Variants in NUF2 observed in about 807,000 individuals in gnomAD.
The protein encoded by NUF2 is kinetochore protein Nuf2.
Under a neutral mutation model 61.8 loss-of-function variants are expected in NUF2, and 34 were observed. The ratio of observed to expected loss-of-function variants is 0.55; its 90% confidence interval spans 0.42 to 0.73. The LOEUF (loss-of-function observed/expected upper bound fraction) is 0.73, where lower values mean the gene tolerates loss of function less well. NUF2 is among the 30% of genes least tolerant of loss of function. The probability of loss-of-function intolerance (pLI) is 0.00; values close to 1 mark genes in which losing one functional copy is unlikely to be tolerated. For missense variants in NUF2, 445 were observed against 539.1 expected, an observed-to-expected ratio of 0.83 and a Z score of 1.73; for synonymous variants, 172 against 181.6, an observed-to-expected ratio of 0.95 and a Z score of 0.42.
At chr1:163,340,339 A>G (rs769193920) in intron 8 of NUF2, 25 bp from the exon 9 acceptor site, 14 of 1,572,076 alleles carry the variant, frequency 8.9e-6, no homozygotes, top group African/African-American at 2.7e-5. Flanking sequence ...GAATCATTAT[A>G]AAACGTGTTT....
chr1:163,343,558 TGATCTTTG>T (rs948588807), intron 9 of NUF2, among the ~76,000 whole-genome samples, 167 bp from the exon 10 acceptor site: 1 of 152,172 alleles, frequency 6.6e-6, no homozygotes, highest in Non-Finnish European at 1.5e-5. Context: ...CTAAGGAGCT[TGATCTTTG>T]GCCTATAGAC....
At chr1:163,350,082 A>C (rs1301071425) in intron 13 of NUF2, among the ~76,000 whole-genome samples, 1 of 151,960 alleles carries the variant, frequency 6.6e-6, no homozygotes, top group Non-Finnish European at 1.5e-5. Context: ...CGGGCGGATC[A>C]CGAGGTCAGG....
intron 10 of NUF2, among the ~76,000 whole-genome samples, chr1:163,345,402 A>G (rs1651090448): frequency 6.6e-6 from 1 of 152,198 alleles, no homozygotes. Flanking sequence ...CTATTTTAAT[A>G]TCATCATTAT....
At chr1:163,348,635 A>G (rs937947403) in intron 12 of NUF2, among the ~76,000 whole-genome samples, 3 of 152,174 alleles carry the variant, frequency 2.0e-5, no homozygotes, top group Admixed American at 1.3e-4. Context: ...AGTGTGTACA[A>G]CTGGGGAAAT....
chr1:163,349,155 CT>C, intron 13 of NUF2, 75 bp downstream of exon 13: 1 of 1,262,052 alleles, frequency 7.9e-7, no homozygotes, highest in Non-Finnish European at 1.1e-6. Flanking sequence ...AACAAAACAG[CT>C]TACTTGGTCT....
intron 13 of NUF2, among the ~76,000 whole-genome samples, chr1:163,350,463 C>CT (rs1384917567): frequency 1.3e-5 from 2 of 152,082 alleles, no homozygotes; most frequent in Admixed American, 1.3e-4. Context: ...GCACCTTTGT[C>CT]TATCAGTCAT....
chr1:163,323,166 T>C (rs921552347), intron 1 of NUF2: 2 of 152,220 alleles, frequency 1.3e-5, no homozygotes, highest in Admixed American at 6.5e-5. Context: ...ATTAATCTGA[T>C]AGCAGAGTGC....
intron 3 of NUF2, chr1:163,327,925 T>C (rs1335684041): frequency 5.4e-6 from 2 of 369,340 alleles, no homozygotes; most frequent in African/African-American, 2.1e-5. Context: ...GAGTAGAAGA[T>C]ATGCAGTAAG....
chr1:163,343,943 TTAA>T, intron 10 of NUF2, 73 bp downstream of exon 10: 1 of 990,698 alleles, frequency 1.0e-6, no homozygotes, highest in African/African-American at 1.7e-5. Context: ...TAATTATGTG[TTAA>T]TTTTTGGATT....
chr1:163,327,595 T>G (rs960829304), intron 3 of NUF2, 33 bp downstream of exon 3: 13 of 1,370,376 alleles, frequency 9.5e-6, no homozygotes, highest in African/African-American at 1.4e-5. Flanking sequence ...TTATGGGGTT[T>G]TTTTTGTTTG....
chr1:163,325,688 G>A (rs1463625461), intron 1 of NUF2, among the ~76,000 whole-genome samples: 1 of 151,946 alleles, frequency 6.6e-6, no homozygotes, highest in African/African-American at 2.4e-5. Flanking sequence ...TTAATTATTA[G>A]GATTGGTCTT....
Position 163,326,221 on chromosome 1 carries a change from A to G in NUF2, c.123+47A>G, listed in dbSNP as rs1650413242. ...ATGTGGATAATGGTATTTAGGGAAA[A>G]AGTAAGCTACTAGGTCTATTGTGTG... On this transcript the variant is annotated intron_variant, in intron 2 of 13. Transcript: ENST00000271452. 7 of 1,593,372 alleles carry G rather than the reference A, an allele frequency of 4.4e-6. No homozygotes were observed. The South Asian group carries it at 7.9e-5, about 18-fold the overall frequency.
intron 5 of NUF2, among the ~76,000 whole-genome samples, chr1:163,329,753 C>T (rs1650538078): frequency 6.6e-6 from 1 of 152,164 alleles, no homozygotes; most frequent in Non-Finnish European, 1.5e-5. Flanking sequence ...TATATTCACA[C>T]AAAAACTTAA....
At chr1:163,324,512 C>T (rs1179868357) in intron 1 of NUF2, among the ~76,000 whole-genome samples, 4 of 96,556 alleles carry the variant, frequency 4.1e-5, no homozygotes, top group Non-Finnish European at 1.0e-4. Context: ...CCCTAAAATT[C>T]TAAAAAAATT....
chr1:163,336,737 GCTTT>G lies in NUF2; in HGVS notation c.338-11_338-8del. Reference sequence around the variant, plus strand: ...TTCAAAGGTTTATTTAAAGAGTCTTGCTTTCTATTTTAGAAGCAAAACGGACAAG... The same window carrying G: ...TTCAAAGGTTTATTTAAAGAGTCTTGCTATTTTAGAAGCAAAACGGACAAG... On this transcript the variant is annotated splice_polypyrimidine_tract_variant and intron_variant, in intron 5 of 13. Coordinates refer to ENST00000271452, the MANE Select transcript of NUF2 (RefSeq NM_145697.3). The G allele has an allele frequency of 4.5e-6, 7 of 1,557,246 alleles. No homozygotes were observed. The highest frequency in any genetic ancestry group is 6.2e-6 in the Non-Finnish European group (7 of 1,129,006).
intron 5 of NUF2, among the ~76,000 whole-genome samples, chr1:163,333,399 C>T (rs977677812): frequency 6.6e-6 from 1 of 152,066 alleles, no homozygotes; most frequent in African/African-American, 2.4e-5. Flanking sequence ...AGACCATTTA[C>T]ATTTAATGTT....
intron 6 of NUF2, among the ~76,000 whole-genome samples, chr1:163,337,473 A>G (rs913006244): frequency 3.3e-5 from 5 of 152,158 alleles, no homozygotes; most frequent in African/African-American, 1.2e-4. Flanking sequence ...TTACTGAGCT[A>G]TATAGATCCG....
chr1:163,351,653 A>T (rs1651325707), intron 13 of NUF2, among the ~76,000 whole-genome samples: 1 of 152,222 alleles, frequency 6.6e-6, no homozygotes, highest in African/African-American at 2.4e-5. Context: ...TCAACTTGCT[A>T]AGTTGTTCTT....
chr1:163,335,751 A>G (rs2101675922), intron 5 of NUF2, among the ~76,000 whole-genome samples: 1 of 152,058 alleles, frequency 6.6e-6, no homozygotes, highest in South Asian at 2.1e-4. Flanking sequence ...ATGCTGTTTG[A>G]TATTGTCTCT....
Sources: allele counts gnomAD v4.1 joint callset (sites outside exome capture counted in the v4.1 genomes callset), GRCh38; gene constraint gnomAD v4.1.1; transcripts MANE v1.5; gene names NCBI Gene and HGNC (gene_info 2026-07-23, HGNC 2026-07-21).